PRIM2: variants seen among roughly 807,000 people sequenced by gnomAD.
PRIM2 encodes the protein DNA primase subunit 2.
Under a neutral mutation model 67.3 loss-of-function variants are expected in PRIM2, and 39 were observed. The ratio of observed to expected loss-of-function variants is 0.58; its 90% CI spans 0.45 to 0.76. The LOEUF (loss-of-function observed/expected upper bound fraction) is 0.76. PRIM2 is among the 30% of genes least tolerant of loss of function. PRIM2 has a pLI of 0.00. For missense variants in PRIM2, 398 were observed against 598.7 expected, an observed-to-expected ratio of 0.66 and a Z score of 3.50; for synonymous variants, 143 against 198.7, an observed-to-expected ratio of 0.72 and a Z score of 2.36.
At chr6:57,519,401 CA>C (rs1302733922) in intron 8 of PRIM2, among the ~76,000 whole-genome samples, 1 of 152,228 alleles carries the variant, frequency 6.6e-6, no homozygotes, top group Non-Finnish European at 1.5e-5. Flanking sequence ...TGGCTACGCC[CA>C]GGGGGGCCGT....
intron 5 of PRIM2, among the ~76,000 whole-genome samples, chr6:57,364,978 C>T (rs1322960080): frequency 1.3e-5 from 2 of 152,100 alleles, no homozygotes; most frequent in Non-Finnish European, 2.9e-5. Flanking sequence ...GCTAATAGCA[C>T]GGAGCCCATC....
At chr6:57,470,404 TCCCC>T (rs1773308481) in intron 7 of PRIM2, among the ~76,000 whole-genome samples, 3 of 72,104 alleles carry the variant, frequency 4.2e-5, no homozygotes, top group African/African-American at 1.7e-4. Flanking sequence ...TCTCCCCCTC[TCCCC>T]TCTCCCCCTC....
intron 7 of PRIM2, among the ~76,000 whole-genome samples, chr6:57,494,177 T>TA (rs1773955184): frequency 6.6e-6 from 1 of 152,208 alleles, no homozygotes; most frequent in Non-Finnish European, 1.5e-5. Flanking sequence ...CAGGTACAGA[T>TA]AATAGTATGT....
At chr6:57,469,719 C>T (rs1267507829) in intron 7 of PRIM2, among the ~76,000 whole-genome samples, 3 of 152,108 alleles carry the variant, frequency 2.0e-5, no homozygotes, top group Non-Finnish European at 2.9e-5. Context: ...AAGGGATCAT[C>T]AGTTTTCTCA....
intron 10 of PRIM2, among the ~76,000 whole-genome samples, chr6:57,578,762 C>T (rs1776017229): frequency 6.7e-6 from 1 of 150,312 alleles, no homozygotes; most frequent in South Asian, 2.1e-4. Context: ...CTGCAAGCTC[C>T]GCCTCCCGGG....
chr6:57,325,053 G>T (rs1205039737), intron 4 of PRIM2, among the ~76,000 whole-genome samples: 1 of 151,934 alleles, frequency 6.6e-6, no homozygotes, highest in Non-Finnish European at 1.5e-5. Flanking sequence ...ATTATATAAC[G>T]ATAATGCCCA....
At chr6:57,282,817 AT>A in the PRIM2 span, among the ~76,000 whole-genome samples, 1 of 152,298 alleles carries the variant, frequency 6.6e-6, no homozygotes, top group Non-Finnish European at 1.5e-5. Flanking sequence ...CCATAAGAAA[AT>A]AAATTTCTGT....
At chr6:57,222,606 G>T in the PRIM2 span, among the ~76,000 whole-genome samples, 1 of 152,206 alleles carries the variant, frequency 6.6e-6, no homozygotes, top group African/African-American at 2.4e-5. Flanking sequence ...ATCTTAAGTG[G>T]CCAAGTGAGC....
chr6:57,495,477 C>T (rs1554346295), intron 7 of PRIM2, among the ~76,000 whole-genome samples: 7,264 of 152,256 alleles, frequency 0.048, 317 homozygotes, highest in African/African-American at 0.11. Context: ...TGAATACTTT[C>T]TGCAGCATCT....
intron 7 of PRIM2, among the ~76,000 whole-genome samples, chr6:57,478,339 T>G (rs1170313545): frequency 1.7e-4 from 8 of 48,226 alleles, no homozygotes; most frequent in Non-Finnish European, 2.7e-4. Flanking sequence ...TTTTTTTTGT[T>G]TTTTTTTTTT....
At chr6:57,551,579 A>T (rs1775403839) in intron 10 of PRIM2, among the ~76,000 whole-genome samples, 1 of 152,000 alleles carries the variant, frequency 6.6e-6, no homozygotes, top group Admixed American at 6.6e-5. Context: ...TAAAGAGTGT[A>T]TTTTGTTCAT....
intron 10 of PRIM2, among the ~76,000 whole-genome samples, chr6:57,548,510 A>C (rs1775333646): frequency 6.6e-6 from 1 of 152,168 alleles, no homozygotes; most frequent in African/African-American, 2.4e-5. Flanking sequence ...GCCTGAGGAG[A>C]TGGAAAGAGA....
chr6:57,229,428 C>T, the PRIM2 span, among the ~76,000 whole-genome samples: 4 of 151,972 alleles, frequency 2.6e-5, no homozygotes, highest in African/African-American at 9.7e-5. Context: ...CTCCTGTAGT[C>T]AAATTATTGT....
At chr6:57,369,194 A>G (rs1273457917) in intron 5 of PRIM2, among the ~76,000 whole-genome samples, 3 of 152,182 alleles carry the variant, frequency 2.0e-5, no homozygotes, top group Admixed American at 6.5e-5. Flanking sequence ...TACTGTGTAG[A>G]GTATTTGCCT....
At chr6:57,564,202 A>G (rs1354368187) in intron 10 of PRIM2, among the ~76,000 whole-genome samples, 5 of 152,174 alleles carry the variant, frequency 3.3e-5, no homozygotes, top group Non-Finnish European at 5.9e-5. Context: ...TAATCAGCTC[A>G]TGGGTATACC....
At chr6:57,503,319 G>C (rs1304215863) in intron 7 of PRIM2, among the ~76,000 whole-genome samples, 8 of 152,218 alleles carry the variant, frequency 5.3e-5, no homozygotes, top group Non-Finnish European at 1.0e-4. Context: ...GCTTTACGAA[G>C]AGTTAGGGAA....
chr6:57,389,230 A>G (rs548951343), intron 7 of PRIM2, among the ~76,000 whole-genome samples: 104 of 152,194 alleles, frequency 6.8e-4, no homozygotes, highest in Non-Finnish European at 1.1e-3. Context: ...TTAGCCTCCT[A>G]AGTAGCTGGA....
chr6:57,261,913 C>T, the PRIM2 span, among the ~76,000 whole-genome samples: 8 of 152,330 alleles, frequency 5.3e-5, no homozygotes, highest in East Asian at 1.5e-3. Flanking sequence ...GGTGTCTCAA[C>T]ATCCCTTGCT....
At chr6:57,275,120 T>C in the PRIM2 span, among the ~76,000 whole-genome samples, 1 of 152,116 alleles carries the variant, frequency 6.6e-6, no homozygotes, top group East Asian at 1.9e-4. Flanking sequence ...TCAGAATGGA[T>C]AAGATGTAGA....
Sources: gnomAD v4.1 joint callset for allele counts (sites outside exome capture counted in the v4.1 genomes callset) on GRCh38, gnomAD v4.1.1 for gene constraint, MANE v1.5 for transcripts, NCBI Gene and HGNC (gene_info 2026-07-23, HGNC 2026-07-21) for gene names.